The following ACACA variants were observed in gnomAD, a reference collection of about 807,000 sequenced individuals.
ACACA encodes acetyl-CoA carboxylase 1.
ACACA carries 103 observed loss-of-function variants against 296.1 expected under a neutral mutation model. That is an observed-to-expected ratio of 0.35 (90% CI 0.30 to 0.41). The LOEUF (loss-of-function observed/expected upper bound fraction) is 0.41, where lower values mean the gene tolerates loss of function less well. Among genes scored for constraint, ACACA ranks in the 10% least tolerant of loss-of-function variants. The probability of loss-of-function intolerance (pLI) is 1.00; values close to 1 mark genes in which losing one functional copy is unlikely to be tolerated. For synonymous variants in ACACA, 953 were observed against 1,038.6 expected, an observed-to-expected ratio of 0.92 and a Z score of 1.58; for missense variants, 1,554 against 2,989.7, an observed-to-expected ratio of 0.52 and a Z score of 11.20.
At chr17:37,201,072 A>C (rs2078225072) in intron 33 of ACACA, among the ~76,000 whole-genome samples, 1 of 152,234 alleles carries the variant, frequency 6.6e-6, no homozygotes, top group Admixed American at 6.5e-5. Flanking sequence ...AATTGTTAAA[A>C]GCAATATTTA....
chr17:37,349,316 C>T (rs896076959), intron 1 of ACACA, among the ~76,000 whole-genome samples: 6 of 150,036 alleles, frequency 4.0e-5, no homozygotes, highest in Non-Finnish European at 8.9e-5. Context: ...CTGCCTCAGC[C>T]TCCCAGAGCA....
chr17:37,248,273 C>T (rs1459561168), intron 17 of ACACA, 117 bp from the exon 18 acceptor site: 1 of 1,281,786 alleles, frequency 7.8e-7, no homozygotes, highest in Non-Finnish European at 1.1e-6. Flanking sequence ...AAATTCATGG[C>T]ACTGATGCTA....
chr17:37,253,967 C>T (rs2081111228), intron 14 of ACACA, among the ~76,000 whole-genome samples: 1 of 151,882 alleles, frequency 6.6e-6, no homozygotes, highest in Non-Finnish European at 1.5e-5. Flanking sequence ...TTATTACTTC[C>T]CAGTTAAGTG....
intron 1 of ACACA, among the ~76,000 whole-genome samples, chr17:37,366,550 C>A (rs375633716): frequency 6.2e-4 from 93 of 150,784 alleles, no homozygotes; most frequent in African/African-American, 2.1e-3. Flanking sequence ...CTCACTGCAA[C>A]CTCTGCCTCC....
chr17:37,396,138 G>A (rs918566911), intron 1 of ACACA, among the ~76,000 whole-genome samples: 1 of 152,058 alleles, frequency 6.6e-6, no homozygotes, highest in South Asian at 2.1e-4. Context: ...TCAGGAGTTC[G>A]AGGCCAGCCT....
intron 41 of ACACA, among the ~76,000 whole-genome samples, chr17:37,165,077 A>G (rs2076610192): frequency 6.6e-6 from 1 of 152,054 alleles, no homozygotes; most frequent in South Asian, 2.1e-4. Context: ...ATTCTTTATC[A>G]ATGTCTTTCC....
intron 3 of ACACA, among the ~76,000 whole-genome samples, chr17:37,305,080 CT>C: frequency 6.6e-6 from 1 of 152,112 alleles, no homozygotes. Flanking sequence ...TTTCTGTTGA[CT>C]TTTTTCCTAA....
intron 3 of ACACA, among the ~76,000 whole-genome samples, chr17:37,296,947 C>A (rs1002858071): frequency 6.7e-6 from 1 of 148,510 alleles, no homozygotes; most frequent in Non-Finnish European, 1.5e-5. Flanking sequence ...GAACTCCTGG[C>A]CTCAGGTGAT....
At chr17:37,340,264 G>A (rs559884140) in intron 1 of ACACA, among the ~76,000 whole-genome samples, 25 of 152,158 alleles carry the variant, frequency 1.6e-4, no homozygotes, top group Admixed American at 5.9e-4. Flanking sequence ...CACAAAGATT[G>A]GGAGCCAGGT....
chr17:37,240,380 G>A (rs922889426), intron 24 of ACACA, 96 bp downstream of exon 24: 1 of 1,020,262 alleles, frequency 9.8e-7, no homozygotes, highest in Non-Finnish European at 1.5e-6. Flanking sequence ...GTTGACAGGA[G>A]GGGGCTTAGC....
chr17:37,236,781 C>T (rs1231904366), intron 24 of ACACA, among the ~76,000 whole-genome samples: 1 of 152,094 alleles, frequency 6.6e-6, no homozygotes, highest in Non-Finnish European at 1.5e-5. Flanking sequence ...GCAGAGATTG[C>T]ACCACTGCAC....
intron 3 of ACACA, among the ~76,000 whole-genome samples, chr17:37,312,087 TA>T (rs1567979380): frequency 6.6e-6 from 1 of 151,086 alleles, no homozygotes; most frequent in Non-Finnish European, 1.5e-5. Context: ...TTCATCTCAT[TA>T]AAAAGAAAAA....
chr17:37,094,274 T>A (rs1337056115), intron 54 of ACACA, among the ~76,000 whole-genome samples: 1 of 152,162 alleles, frequency 6.6e-6, no homozygotes, highest in East Asian at 1.9e-4. Flanking sequence ...TGGTAACAGA[T>A]ATCTCTAAGG....
intron 1 of ACACA, among the ~76,000 whole-genome samples, chr17:37,405,395 C>T (rs1218634868): frequency 2.0e-5 from 3 of 152,156 alleles, no homozygotes; most frequent in African/African-American, 4.8e-5. Flanking sequence ...CTACAACAAG[C>T]CTACTCACTA....
At chr17:37,268,721 C>CTATATATA (rs1334153360) in intron 10 of ACACA, among the ~76,000 whole-genome samples, 31 of 108,056 alleles carry the variant, frequency 2.9e-4, no homozygotes, top group African/African-American at 1.2e-3. Flanking sequence ...CTATATCTAT[C>CTATATATA]TATCTATCTA....
At chr17:37,381,853 G>A (rs549243978) in intron 1 of ACACA, among the ~76,000 whole-genome samples, 3 of 149,858 alleles carry the variant, frequency 2.0e-5, no homozygotes, top group South Asian at 2.1e-4. Flanking sequence ...GGTCTCGATC[G>A]CCTGACCTTG....
chr17:37,140,079 A>G (rs2075501358), intron 45 of ACACA, among the ~76,000 whole-genome samples: 1 of 152,238 alleles, frequency 6.6e-6, no homozygotes, highest in South Asian at 2.1e-4. Context: ...ATTGGCTCCA[A>G]AAGTACTCAG....
At chr17:37,121,328 C>T (rs954883659) in intron 50 of ACACA, 27 bp downstream of exon 50, 5 of 1,613,894 alleles carry the variant, frequency 3.1e-6, no homozygotes, top group Non-Finnish European at 4.2e-6. Flanking sequence ...CAGTGATGCC[C>T]CTCCAGCCCA....
intron 1 of ACACA, among the ~76,000 whole-genome samples, chr17:37,380,843 G>A (rs1194744303): frequency 5.3e-5 from 8 of 151,520 alleles, no homozygotes; most frequent in African/African-American, 1.2e-4. Context: ...GTATCTGCCC[G>A]CCTTGGCCTC....
Sources: gnomAD v4.1 joint callset for allele counts (sites outside exome capture counted in the v4.1 genomes callset) on GRCh38, gnomAD v4.1.1 for gene constraint, MANE v1.5 for transcripts, NCBI Gene and HGNC (gene_info 2026-07-23, HGNC 2026-07-21) for gene names.